Variants in SLC35D1 observed in about 807,000 individuals in gnomAD.
The protein encoded by SLC35D1 is nucleotide sugar transporter SLC35D1.
A neutral mutation model predicts 46.7 loss-of-function variants in SLC35D1; 31 were observed. The ratio of observed to expected loss-of-function variants is 0.66; its 90% confidence interval spans 0.50 to 0.90. The LOEUF is 0.90. Among genes scored for constraint, SLC35D1 ranks in the 40% least tolerant of loss-of-function variants. The pLI, the probability that SLC35D1 is intolerant of heterozygous loss-of-function variation, is 0.00. For missense variants in SLC35D1, 397 were observed against 426.2 expected (o/e 0.93, Z 0.60); for synonymous variants, 195 against 164.6 (o/e 1.18, Z -1.41).
intron 1 of SLC35D1, among the ~76,000 whole-genome samples, chr1:67,053,197 TC>T (rs1311558184): frequency 6.6e-6 from 1 of 151,922 alleles, no homozygotes; most frequent in East Asian, 1.9e-4. Flanking sequence ...CGGCCGCTTG[TC>T]CCATCTTGTC....
the SLC35D1 span, among the ~76,000 whole-genome samples, chr1:66,982,688 C>T: frequency 2.0e-5 from 3 of 152,332 alleles, no homozygotes; most frequent in South Asian, 6.2e-4. Flanking sequence ...CTGACAGAAA[C>T]TGGAAGAGAA....
At chr1:67,018,882 G>A (rs1448530392) in intron 10 of SLC35D1, among the ~76,000 whole-genome samples, 3 of 152,184 alleles carry the variant, frequency 2.0e-5, no homozygotes, top group African/African-American at 7.2e-5. Context: ...CTGTCTGCAT[G>A]TGCAAGCCAT....
At chr1:66,983,451 AATTATTC>A in the SLC35D1 span, among the ~76,000 whole-genome samples, 3 of 151,902 alleles carry the variant, frequency 2.0e-5, no homozygotes, top group Non-Finnish European at 2.9e-5. Flanking sequence ...ATTAAATTGT[AATTATTC>A]AGTGATGCAC....
intron 8 of SLC35D1, among the ~76,000 whole-genome samples, chr1:67,040,576 A>G (rs1034885355): frequency 6.6e-6 from 1 of 152,176 alleles, no homozygotes; most frequent in African/African-American, 2.4e-5. Flanking sequence ...CTTTGCAGGT[A>G]TGCCTGAGCT....
At chr1:66,991,208 TTTC>T in the SLC35D1 span, among the ~76,000 whole-genome samples, 237 of 152,320 alleles carry the variant, frequency 1.6e-3, 1 homozygote, top group Admixed American at 2.6e-3. Flanking sequence ...TTTGAAAACT[TTTC>T]TTTCTTCAAA....
downstream of SLC35D1, among the ~76,000 whole-genome samples, chr1:66,996,086 A>G (rs1168139066): frequency 6.6e-6 from 1 of 152,280 alleles, no homozygotes; most frequent in Admixed American, 6.5e-5. Context: ...GCCACCATTT[A>G]TGCACCAGTA....
intron 7 of SLC35D1, among the ~76,000 whole-genome samples, chr1:67,043,094 C>CTGAGGCGG (rs1645212117): frequency 6.6e-6 from 1 of 151,938 alleles, no homozygotes; most frequent in Non-Finnish European, 1.5e-5. Context: ...ACTTGGGAGG[C>CTGAGGCGG]TGAGGCGGGA....
At chr1:66,982,602 AAAGT>A in the SLC35D1 span, among the ~76,000 whole-genome samples, 2 of 152,204 alleles carry the variant, frequency 1.3e-5, no homozygotes, top group Non-Finnish European at 2.9e-5. Context: ...TTCCAAGAAG[AAAGT>A]AATAAGCGCC....
intron 10 of SLC35D1, among the ~76,000 whole-genome samples, chr1:67,019,565 A>C (rs1196942372): frequency 6.6e-6 from 1 of 152,170 alleles, no homozygotes; most frequent in Non-Finnish European, 1.5e-5. Context: ...GAGCAGTAAA[A>C]ACTTGACCTC....
chr1:66,976,739 C>T, the SLC35D1 span: 3 of 1,561,712 alleles, frequency 1.9e-6, no homozygotes, highest in African/African-American at 4.1e-5. Flanking sequence ...TAATTTTTTC[C>T]TTAAGAGCTA....
At chr1:67,006,528 CT>C (rs1667450509) in intron 11 of SLC35D1, among the ~76,000 whole-genome samples, 1 of 152,102 alleles carries the variant, frequency 6.6e-6, no homozygotes, top group Admixed American at 6.6e-5. Flanking sequence ...CTTATTTTTC[CT>C]GTTAAGATGA....
chr1:66,984,962 G>A, the SLC35D1 span: 4 of 1,497,202 alleles, frequency 2.7e-6, no homozygotes, highest in Non-Finnish European at 3.5e-6. Context: ...TTTCAGGGTT[G>A]ATGGGTTACC....
chr1:67,026,851 A>G (rs1225708327), intron 8 of SLC35D1, among the ~76,000 whole-genome samples: 1 of 152,300 alleles, frequency 6.6e-6, no homozygotes, highest in East Asian at 1.9e-4. Context: ...ACCTCTTCAC[A>G]GGGTGGCAAG....
intron 8 of SLC35D1, 94 bp downstream of exon 8, chr1:67,042,142 A>G (rs1042363090): frequency 9.2e-6 from 11 of 1,200,446 alleles, no homozygotes; most frequent in Non-Finnish European, 1.4e-5. Context: ...CTTAATAAGC[A>G]TATTTCTTTT....
chr1:66,983,968 C>T, the SLC35D1 span, among the ~76,000 whole-genome samples: 1 of 152,202 alleles, frequency 6.6e-6, no homozygotes, highest in African/African-American at 2.4e-5. Context: ...TCATGATACA[C>T]CCGCCTTGGC....
At chr1:67,045,332 ATCTG>A (rs1285970112) in intron 7 of SLC35D1, among the ~76,000 whole-genome samples, 1 of 152,204 alleles carries the variant, frequency 6.6e-6, no homozygotes, top group Non-Finnish European at 1.5e-5. Flanking sequence ...CGCATCATAA[ATCTG>A]TATTATTATG....
At chr1:67,013,157 G>GAGATATATATATATATATATATATAT (rs1667601756) in intron 10 of SLC35D1, among the ~76,000 whole-genome samples, 69 of 29,800 alleles carry the variant, frequency 2.3e-3, no homozygotes, top group Non-Finnish European at 5.7e-4. Context: ...ATATCCTGGA[G>GAGATATATATATATATATATATATAT]ATATATATAT....
chr1:67,020,515 A>C, intron 9 of SLC35D1, 68 bp from the exon 10 acceptor site: 2 of 1,172,766 alleles, frequency 1.7e-6, no homozygotes, highest in Non-Finnish European at 2.6e-6. Flanking sequence ...AAGATAAACA[A>C]TCAGTGTTGG....
chr1:67,023,775 A>T (rs140291768), intron 8 of SLC35D1, among the ~76,000 whole-genome samples: 2,076 of 150,914 alleles, frequency 0.014, 19 homozygotes, highest in Middle Eastern at 0.024. Context: ...GGTACAAAAG[A>T]GGTGCCCGGC....
Sources: allele counts gnomAD v4.1 joint callset (sites outside exome capture counted in the v4.1 genomes callset), GRCh38; gene constraint gnomAD v4.1.1; transcripts MANE v1.5; gene names NCBI Gene and HGNC (gene_info 2026-07-23, HGNC 2026-07-21).